Variants in PLEKHM3 observed in about 807,000 individuals in gnomAD.
PLEKHM3 encodes the protein pleckstrin homology domain containing M3.
A neutral mutation model predicts 81.8 loss-of-function variants in PLEKHM3; 45 were observed. That is an observed-to-expected ratio of 0.55 (90% CI 0.43 to 0.71). PLEKHM3 has a LOEUF of 0.71. Among genes scored for constraint, PLEKHM3 ranks in the 30% least tolerant of loss-of-function variants. The pLI, the probability that PLEKHM3 is intolerant of heterozygous loss-of-function variation, is 0.00. For synonymous variants in PLEKHM3, 352 were observed against 356.4 expected, an observed-to-expected ratio of 0.99 and a Z score of 0.14; for missense variants, 788 against 924.3, an observed-to-expected ratio of 0.85 and a Z score of 1.91.
Position 208,001,479 on chromosome 2 carries a change from A to C in PLEKHM3, c.161T>G (p.Ile54Arg), listed in dbSNP as rs772528902. The change falls in exon 2 of 8, where the codon ATA becomes AGA. Residue 54 changes from isoleucine to arginine, a missense_variant. Physicochemically the swap from Ile to Arg is moderately conservative, Grantham distance 97. Transcript: ENST00000427836. ...ATTTCTCATAGCACCATTGTCTGTTATGTTACTGAGTACCTCATGCCCCAC... is the reference window on the plus strand; with the variant it reads ...ATTTCTCATAGCACCATTGTCTGTTCTGTTACTGAGTACCTCATGCCCCAC... ...ELVGHEVLSN[I>R]TDNGAMRNVT... 1.2e-6 allele frequency: 2 copies of C among 1,614,152 alleles called. No individual in the cohort carries two copies. Among genetic ancestry groups the C allele is most frequent in the Non-Finnish European group, 1.7e-6 (2 of 1,180,034 alleles).
intron 4 of PLEKHM3, among the ~76,000 whole-genome samples, chr2:207,932,071 C>A (rs377755702): frequency 1.8e-4 from 27 of 152,334 alleles, no homozygotes; most frequent in African/African-American, 6.0e-4. Context: ...GACTGACTAG[C>A]AAACAAGCTC....
intron 3 of PLEKHM3, 105 bp from the exon 4 acceptor site, chr2:207,946,617 A>G (rs1036461451): frequency 1.4e-6 from 2 of 1,418,362 alleles, no homozygotes; most frequent in African/African-American, 2.9e-5. Flanking sequence ...TATTTCATTT[A>G]CCTAGTCTGC....
chr2:207,970,601 A>G (rs1691086054), intron 3 of PLEKHM3, among the ~76,000 whole-genome samples: 1 of 152,180 alleles, frequency 6.6e-6, no homozygotes, highest in Non-Finnish European at 1.5e-5. Context: ...TGTAGCCTTA[A>G]GTTCCATCTT....
intron 3 of PLEKHM3, among the ~76,000 whole-genome samples, chr2:207,973,423 A>G (rs1451455228): frequency 3.3e-5 from 5 of 152,214 alleles, no homozygotes; most frequent in Non-Finnish European, 7.3e-5. Context: ...ATCAGGAAAT[A>G]AAGTATTCTT....
chr2:207,902,529 G>C (rs1048365938), intron 6 of PLEKHM3, among the ~76,000 whole-genome samples: 2 of 152,162 alleles, frequency 1.3e-5, no homozygotes, highest in African/African-American at 4.8e-5. Context: ...TAAGCTCTGT[G>C]GGTATGCTGG....
chr2:207,980,814 G>A (rs1268715557), intron 2 of PLEKHM3, among the ~76,000 whole-genome samples: 1 of 152,092 alleles, frequency 6.6e-6, no homozygotes, highest in Admixed American at 6.6e-5. Context: ...ACAGGCTGCT[G>A]TTTGTCATGT....
intron 1 of PLEKHM3, among the ~76,000 whole-genome samples, chr2:208,005,246 C>A (rs993078272): frequency 1.3e-5 from 2 of 152,154 alleles, no homozygotes; most frequent in African/African-American, 4.8e-5. Context: ...AATTAATGAA[C>A]CAATATTGTT....
chr2:207,925,820 A>G (rs1689375185), intron 5 of PLEKHM3, among the ~76,000 whole-genome samples: 1 of 152,096 alleles, frequency 6.6e-6, no homozygotes, highest in African/African-American at 2.4e-5. Context: ...GGACACCCCA[A>G]CACATCTTCT....
intron 2 of PLEKHM3, among the ~76,000 whole-genome samples, chr2:207,991,681 C>T (rs553589656): frequency 6.6e-6 from 1 of 152,260 alleles, no homozygotes; most frequent in African/African-American, 2.4e-5. Flanking sequence ...ATGATCCTAA[C>T]ACATTTGGGA....
At chr2:207,933,585 C>G (rs1689657987) in intron 4 of PLEKHM3, among the ~76,000 whole-genome samples, 1 of 152,084 alleles carries the variant, frequency 6.6e-6, no homozygotes, top group Admixed American at 6.5e-5. Flanking sequence ...AGTAGGTGAA[C>G]AGAGCGACAG....
At chr2:207,858,134 A>ATGTGTG (rs1491285509) in intron 7 of PLEKHM3, among the ~76,000 whole-genome samples, 13 of 120,400 alleles carry the variant, frequency 1.1e-4, no homozygotes, top group African/African-American at 3.9e-4. Context: ...TTTCATATAG[A>ATGTGTG]TATGTGTGTG....
intron 4 of PLEKHM3, among the ~76,000 whole-genome samples, chr2:207,944,253 G>C (rs911867558): frequency 2.0e-4 from 31 of 152,318 alleles, no homozygotes; most frequent in Non-Finnish European, 3.5e-4. Flanking sequence ...AATTCAAAAG[G>C]AGTATGGTCC....
intron 3 of PLEKHM3, among the ~76,000 whole-genome samples, chr2:207,962,924 T>TTA (rs11406547): frequency 4.1e-4 from 55 of 135,782 alleles, no homozygotes; most frequent in Middle Eastern, 3.7e-3. Context: ...AGTCAAAAAT[T>TTA]AAAAAAAAAA....
chr2:207,978,720 T>C (rs1052094624), intron 2 of PLEKHM3, among the ~76,000 whole-genome samples: 2 of 152,160 alleles, frequency 1.3e-5, no homozygotes, highest in African/African-American at 4.8e-5. Context: ...CAGGCTTCAA[T>C]CAGCAACTGC....
intron 1 of PLEKHM3, among the ~76,000 whole-genome samples, chr2:208,015,622 A>G (rs1692879630): frequency 6.6e-6 from 1 of 152,232 alleles, no homozygotes; most frequent in Admixed American, 6.5e-5. Context: ...CCTTGGACAC[A>G]TTACTTGGAA....
At chr2:207,878,089 C>A (rs148345182) in intron 6 of PLEKHM3, among the ~76,000 whole-genome samples, 22 of 152,278 alleles carry the variant, frequency 1.4e-4, no homozygotes, top group African/African-American at 5.1e-4. Flanking sequence ...CAAGTACATG[C>A]CACCATGCTC....
chr2:207,867,978 T>C (rs17537190), intron 6 of PLEKHM3, among the ~76,000 whole-genome samples: 42,559 of 152,024 alleles, frequency 0.28, 6,496 homozygotes, highest in Middle Eastern at 0.36. Context: ...CACTGGGCCA[T>C]TGGATCTGAA....
intron 3 of PLEKHM3, among the ~76,000 whole-genome samples, chr2:207,959,676 G>C (rs1484743075): frequency 2.0e-5 from 3 of 152,056 alleles, no homozygotes; most frequent in Non-Finnish European, 4.4e-5. Context: ...CCTCTCCTTT[G>C]CTAAAACCTC....
In PLEKHM3 at chr2:207,976,831, T is replaced by A. The variant is rs925215017; in HGVS notation, c.1366A>T (p.Asn456Tyr). The A allele has an allele frequency of 1.9e-6, 3 of 1,614,120 alleles. No homozygotes were observed. In the Admixed American group the frequency reaches 5.0e-5, roughly 27 times the overall value. Residue 456 changes from asparagine (N) to tyrosine (Y), a missense_variant, in exon 3 of 8, where the codon AAT becomes TAT. Transcript: ENST00000427836. This position sits in a 1 kb window ranked among gnomAD's most constrained non-coding sequence, Gnocchi z 4.1. ...EWMEALKIAA[N>Y]VARSSEQNLQ... ...TTTTGCTCTGAACTCCTCGCCACAT[T>A]GGCAGCTATCTTCAGAGCCTCCATC...
Sources: allele counts gnomAD v4.1 joint callset (sites outside exome capture counted in the v4.1 genomes callset), GRCh38; gene constraint gnomAD v4.1.1; non-coding constraint Gnocchi (gnomAD v3.1); transcripts MANE v1.5; gene names NCBI Gene and HGNC (gene_info 2026-07-23, HGNC 2026-07-21).